The following ACSM4 variants were observed in gnomAD, a reference collection of about 807,000 sequenced individuals.
The protein encoded by ACSM4 is acyl-coenzyme A synthetase ACSM4, mitochondrial.
A neutral mutation model predicts 73.0 loss-of-function variants in ACSM4; 66 were observed. That is an observed-to-expected ratio of 0.90 (90% CI 0.74 to 1.11). The LOEUF (loss-of-function observed/expected upper bound fraction) is 1.11. ACSM4 is among the 50% of genes least tolerant of loss of function. The probability of loss-of-function intolerance (pLI) is 0.00; values close to 1 mark genes in which losing one functional copy is unlikely to be tolerated. For synonymous variants in ACSM4, 222 were observed against 254.0 expected, an observed-to-expected ratio of 0.87 and a Z score of 1.20; for missense variants, 645 against 714.4, an observed-to-expected ratio of 0.90 and a Z score of 1.11.
chr12:7,325,019 T>C (rs1565756506), intron 11 of ACSM4, among the ~76,000 whole-genome samples: 1 of 152,192 alleles, frequency 6.6e-6, no homozygotes, highest in Non-Finnish European at 1.5e-5. Context: ...GTATACACCT[T>C]AGCAACCCTC....
intron 4 of ACSM4, 75 bp downstream of exon 4, chr12:7,317,355 C>A: frequency 6.9e-7 from 1 of 1,452,388 alleles, no homozygotes; most frequent in East Asian, 2.6e-5. Context: ...CTAACTGATA[C>A]TTCTCCTTGA....
chr12:7,320,743 A>G lies in ACSM4; in HGVS notation c.940A>G (p.Ile314Val). 1 of 1,613,708 alleles carries G rather than the reference A, an allele frequency of 6.2e-7. No homozygotes were observed. Among genetic ancestry groups the G allele is most frequent in the Non-Finnish European group, 8.5e-7 (1 of 1,179,736 alleles). Residue 314 changes from isoleucine to valine, a missense_variant, in exon 6 of 13, where the codon ATC becomes GTC. Physicochemically the swap from Ile to Val is conservative, Grantham distance 29. Coordinates refer to ENST00000399422, the MANE Select transcript of ACSM4 (RefSeq NM_001080454.2). Reference sequence around the variant, plus strand: ...CATCCAGACACTTACTACTTATCCCATCACGACCCTGTGCAGTCCTCCCAC... The same window carrying G: ...CATCCAGACACTTACTACTTATCCCGTCACGACCCTGTGCAGTCCTCCCAC... ...TFLDTLTTYP[I>V]TTLCSPPTVY...
intron 11 of ACSM4, 128 bp from the exon 12 acceptor site, chr12:7,326,845 ACCT>A: frequency 9.9e-7 from 1 of 1,005,238 alleles, no homozygotes; most frequent in South Asian, 2.0e-5. Flanking sequence ...TTCAGAGGTA[ACCT>A]CTGGCATTTG....
At chr12:7,323,977 G>T (rs1285447362) in intron 9 of ACSM4, among the ~76,000 whole-genome samples, 1 of 152,014 alleles carries the variant, frequency 6.6e-6, no homozygotes, top group Non-Finnish European at 1.5e-5. Context: ...AAGAGTTCAA[G>T]ACCAGCCTGG....
In ACSM4 at chr12:7,324,282, C is replaced by T. The variant is rs763187328; in HGVS notation, c.1318C>T (p.Gln440Ter). The T allele has an allele frequency of 1.2e-5, 19 of 1,612,364 alleles. No individual in the cohort carries two copies. The highest frequency in any genetic ancestry group is 1.4e-5 in the Non-Finnish European group (17 of 1,179,530). ...CATCCTTGGTTCCCAGGACAATCCA[C>T]AGAAAACTGCTGCCACGATAAGAGG... Reference protein sequence around the residue: ...CFFSKYVDNPQKTAATIRGDF... With the variant: ...CFFSKYVDNP Residue 440 changes from glutamine (Q) to a stop codon, truncating the protein, a stop_gained, in exon 10 of 13, where the codon CAG becomes TAG. Transcript: ENST00000399422. LOFTEE classifies it high-confidence loss of function.
chr12:7,308,490 T>C (rs55915872), intron 2 of ACSM4, among the ~76,000 whole-genome samples: 1,940 of 152,298 alleles, frequency 0.013, 47 homozygotes, highest in African/African-American at 0.045. Context: ...TTTCTTGCTG[T>C]AAAGTGTATG....
intron 11 of ACSM4, among the ~76,000 whole-genome samples, chr12:7,325,098 T>C (rs1466634342): frequency 6.6e-6 from 1 of 152,252 alleles, no homozygotes; most frequent in Non-Finnish European, 1.5e-5. Flanking sequence ...TTCATTTGCC[T>C]ACCTTAGATC....
chr12:7,322,291 GT>G (rs1430606737), intron 6 of ACSM4, 126 bp from the exon 7 acceptor site: 1 of 1,319,584 alleles, frequency 7.6e-7, no homozygotes, highest in East Asian at 2.3e-5. Flanking sequence ...ACAAGTATTT[GT>G]TGAATGAACT....
At position 7,307,036 on chromosome 12, in the gene ACSM4, C is replaced by T. The variant is rs765543573; in HGVS notation, c.412+293C>T. Among the ~76,000 whole-genome samples the T allele has an allele frequency of 7.4e-4, 113 of 152,064 alleles. 4 individuals are homozygous for T. The highest frequency in any genetic ancestry group is 3.5e-4 in the Non-Finnish European group (24 of 67,974). Reference sequence around the variant, plus strand: ...TTGGGAGAACGAAGCAGGTGGATCACGAAGTCAGGAGTTCCAGACCAGTCT... The same window carrying T: ...TTGGGAGAACGAAGCAGGTGGATCATGAAGTCAGGAGTTCCAGACCAGTCT... On this transcript the variant is annotated intron_variant, in intron 2 of 12. Coordinates refer to ENST00000399422, the MANE Select transcript of ACSM4 (RefSeq NM_001080454.2).
chr12:7,312,871 G>A (rs1219921629), intron 3 of ACSM4, among the ~76,000 whole-genome samples: 1 of 151,938 alleles, frequency 6.6e-6, no homozygotes, highest in African/African-American at 2.4e-5. Context: ...TAAGTTAATG[G>A]TATTTATATT....
intron 3 of ACSM4, among the ~76,000 whole-genome samples, 172 bp from the exon 4 acceptor site, chr12:7,316,965 A>C (rs1167350077): frequency 6.6e-6 from 1 of 152,236 alleles, no homozygotes; most frequent in East Asian, 1.9e-4. Flanking sequence ...ACTGACCTTC[A>C]AAGTCCCGCT....
intron 3 of ACSM4, among the ~76,000 whole-genome samples, chr12:7,315,560 C>T (rs920871399): frequency 5.9e-5 from 9 of 151,840 alleles, no homozygotes; most frequent in African/African-American, 9.7e-5. Context: ...TGTAGGGAGG[C>T]GTGATCATGA....
rs1025444943 is a variant in ACSM4, at chr12:7,320,889, C to T, written c.1001+85C>T. 15 of 1,148,632 alleles carry T rather than the reference C, an allele frequency of 1.3e-5. No individual in the cohort carries two copies. The Admixed American group carries it at 2.9e-4, about 22-fold the overall frequency. The allele number at this position is 1,148,632 out of a possible 1,614,324, so 71.2% of individuals were successfully genotyped here. A position where few individuals can be genotyped will look rare whatever the true frequency, so the allele number is the denominator to read the frequency against. On this transcript the variant is annotated intron_variant, in intron 6 of 12. Coordinates refer to ENST00000399422, the MANE Select transcript of ACSM4 (RefSeq NM_001080454.2). ...ATCTCTCTTTTTCAGCATAGGATAGCTCAGGCTTTCTCAGTCTTACCACCA... is the reference window on the plus strand; with the variant it reads ...ATCTCTCTTTTTCAGCATAGGATAGTTCAGGCTTTCTCAGTCTTACCACCA...
intron 2 of ACSM4, among the ~76,000 whole-genome samples, chr12:7,308,029 G>A (rs1002575391): frequency 6.6e-6 from 1 of 151,948 alleles, no homozygotes; most frequent in Non-Finnish European, 1.5e-5. Context: ...AATTATAATA[G>A]GTGAGACTAA....
chr12:7,306,811 A>T, intron 2 of ACSM4, 68 bp downstream of exon 2: 1 of 1,307,316 alleles, frequency 7.6e-7, no homozygotes, highest in Non-Finnish European at 1.1e-6. Flanking sequence ...GGTTTTCTGA[A>T]TTGTTAGCTC....
intron 5 of ACSM4, among the ~76,000 whole-genome samples, chr12:7,319,212 A>G (rs955646831): frequency 1.3e-5 from 2 of 152,164 alleles, no homozygotes; most frequent in Non-Finnish European, 2.9e-5. Context: ...CCTCACATGC[A>G]CAGTTCACAA....
At chr12:7,308,164 T>C (rs1323801248) in intron 2 of ACSM4, among the ~76,000 whole-genome samples, 2 of 152,186 alleles carry the variant, frequency 1.3e-5, no homozygotes, top group African/African-American at 4.8e-5. Flanking sequence ...CAATATTGAA[T>C]AAAAACAGCA....
At position 7,326,998 on chromosome 12, in the gene ACSM4, T is replaced by C. The variant is rs766010954; in HGVS notation, c.1559T>C (p.Leu520Ser). 1.2e-6 allele frequency: 2 copies of C among 1,611,314 alleles called. No homozygotes were observed. The highest frequency in any genetic ancestry group is 3.4e-5 in the Admixed American group (2 of 59,602). The part of the protein sequence containing the change: ...RGEVVKAFVV[L>S]AAPFKSYNPE... ...CAGGTGGTGAAAGCTTTTGTTGTCT[T>C]AGCTGCACCCTTTAAGTCCTACAAC... Residue 520 changes from leucine to serine, a missense_variant, in exon 12 of 13, where the codon TTA becomes TCA. By Grantham distance (145) the Leu-to-Ser change is moderately radical. Transcript: ENST00000399422.
chr12:7,328,434 C>A lies in ACSM4; in HGVS notation c.*61C>A, dbSNP rs924699695. The A allele has an allele frequency of 4.7e-6, 6 of 1,263,754 alleles. No individual in the cohort carries two copies. The highest frequency in any genetic ancestry group is 6.5e-6 in the Non-Finnish European group (6 of 926,168). 78.3% of individuals were successfully genotyped at this position (1,263,754 alleles called of 1,614,324 possible). A position where few individuals can be genotyped will look rare whatever the true frequency, so the allele number is the denominator to read the frequency against. ...GGTTGCTTTCTTTTAGTATTTGTTC[C>A]GATAATTCAGCGACTACTCTCTTAA... On this transcript the variant is annotated 3_prime_UTR_variant, in exon 13 of 13. Transcript: ENST00000399422.
Sources: gnomAD v4.1 joint callset for allele counts (sites outside exome capture counted in the v4.1 genomes callset) on GRCh38, gnomAD v4.1.1 for gene constraint, MANE v1.5 for transcripts, NCBI Gene and HGNC (gene_info 2026-07-23, HGNC 2026-07-21) for gene names.